The following CTNNA2 variants were observed in gnomAD, a reference collection of about 807,000 sequenced individuals.
CTNNA2 encodes the protein catenin alpha 2, also known as catenin alpha-2.
In CTNNA2, 42 loss-of-function variants were observed where a neutral mutation model predicts 101.0. The ratio of observed to expected loss-of-function variants is 0.42; its 90% CI spans 0.32 to 0.54. The LOEUF is 0.54. Among genes scored for constraint, CTNNA2 ranks in the 20% least tolerant of loss-of-function variants. The probability of loss-of-function intolerance (pLI) is 0.14; values close to 1 mark genes in which losing one functional copy is unlikely to be tolerated. For missense variants in CTNNA2, 871 were observed against 1,223.1 expected (o/e 0.71, Z 4.29); for synonymous variants, 450 against 456.4 (o/e 0.99, Z 0.18).
chr2:80,232,962 AT>A (rs1250546443), intron 7 of CTNNA2, among the ~76,000 whole-genome samples: 2 of 152,032 alleles, frequency 1.3e-5, no homozygotes, highest in African/African-American at 4.8e-5. Flanking sequence ...TATTTTTTCC[AT>A]TTCACTTGCT....
chr2:80,637,857 G>A (rs995502445), intron 18 of CTNNA2, among the ~76,000 whole-genome samples: 6 of 152,148 alleles, frequency 3.9e-5, no homozygotes, highest in Admixed American at 3.9e-4. Context: ...GACTCTTCTA[G>A]TCTACTTTTC....
At chr2:79,949,878 A>G (rs1200400382) in intron 7 of CTNNA2, among the ~76,000 whole-genome samples, 1 of 152,200 alleles carries the variant, frequency 6.6e-6, no homozygotes, top group Non-Finnish European at 1.5e-5. Flanking sequence ...TATTTTAGTT[A>G]TTTGAATACC....
intron 1 of CTNNA2, among the ~76,000 whole-genome samples, chr2:79,186,980 C>A (rs1025735951): frequency 3.3e-5 from 5 of 152,112 alleles, no homozygotes; most frequent in African/African-American, 9.7e-5. Context: ...TACAATGCAA[C>A]CTTCTATTTT....
In CTNNA2 at chr2:79,842,387, T is replaced by C. The variant is rs535336555; in HGVS notation, c.299-15626T>C. Among the ~76,000 whole-genome samples, 5 of 152,256 alleles carry C rather than the reference T, an allele frequency of 3.3e-5. No individual in the cohort carries two copies. The East Asian group carries it at 9.7e-4, about 29-fold the overall frequency. ...ACCCCATGGAGTTTTAAATGAGTAT[T>C]AAATGAGTAGATATAAGGCTTAGAA... On this transcript the variant is annotated intron_variant, in intron 3 of 18. Coordinates refer to ENST00000402739, the MANE Select transcript of CTNNA2 (RefSeq NM_001282597.3).
chr2:80,526,011 T>C (rs1020573891), intron 9 of CTNNA2, among the ~76,000 whole-genome samples: 1 of 152,202 alleles, frequency 6.6e-6, no homozygotes, highest in Non-Finnish European at 1.5e-5. Context: ...AATACTCTCT[T>C]AGCTTCTGGT....
chr2:79,294,164 T>C (rs1402772534), intron 2 of CTNNA2, among the ~76,000 whole-genome samples: 1 of 148,916 alleles, frequency 6.7e-6, no homozygotes, highest in Non-Finnish European at 1.5e-5. Context: ...TGTCCTCGCA[T>C]GGCAGACAGA....
At chr2:80,176,154 A>G (rs1382745653) in intron 7 of CTNNA2, among the ~76,000 whole-genome samples, 1 of 152,200 alleles carries the variant, frequency 6.6e-6, no homozygotes, top group Non-Finnish European at 1.5e-5. Flanking sequence ...TTGTCACCTT[A>G]AACCCATACA....
intron 18 of CTNNA2, among the ~76,000 whole-genome samples, chr2:80,632,066 G>A (rs1672356909): frequency 6.6e-6 from 1 of 152,102 alleles, no homozygotes; most frequent in South Asian, 2.1e-4. Flanking sequence ...AATAATTGAT[G>A]TTCAGGGGCA....
intron 1 of CTNNA2, among the ~76,000 whole-genome samples, chr2:79,516,360 G>A (rs867265441): frequency 6.6e-6 from 1 of 152,198 alleles, no homozygotes; most frequent in Non-Finnish European, 1.5e-5. Flanking sequence ...GAATTGGGAA[G>A]AAGACGGGTG....
chr2:79,235,877 A>T (rs146167934), intron 2 of CTNNA2, among the ~76,000 whole-genome samples: 121 of 152,262 alleles, frequency 7.9e-4, no homozygotes, highest in African/African-American at 2.6e-3. Context: ...AGTGACAGGG[A>T]TGGGTCGAGT....
intron 7 of CTNNA2, among the ~76,000 whole-genome samples, chr2:80,134,634 G>A (rs1702594483): frequency 6.6e-6 from 1 of 152,124 alleles, no homozygotes; most frequent in African/African-American, 2.4e-5. Context: ...CATTCATGAG[G>A]CCAGCTTTGT....
intron 2 of CTNNA2, among the ~76,000 whole-genome samples, chr2:79,245,727 C>A (rs1400289707): frequency 6.6e-6 from 1 of 152,200 alleles, no homozygotes; most frequent in African/African-American, 2.4e-5. Context: ...ATGGATTGGA[C>A]TTATATTCTA....
intron 17 of CTNNA2, 30 bp from the exon 18 acceptor site, chr2:80,619,055 T>G (rs1573473807): frequency 2.2e-6 from 3 of 1,378,346 alleles, no homozygotes. Flanking sequence ...TCTCTCTCAT[T>G]CTCTCTTTTC....
intron 3 of CTNNA2, among the ~76,000 whole-genome samples, chr2:79,782,852 A>G (rs1464293237): frequency 1.3e-5 from 2 of 152,180 alleles, no homozygotes; most frequent in African/African-American, 4.8e-5. Flanking sequence ...AGAAATTGAC[A>G]GCCAATGGAA....
intron 9 of CTNNA2, among the ~76,000 whole-genome samples, chr2:80,486,041 T>C (rs974357572): frequency 1.3e-5 from 2 of 152,192 alleles, no homozygotes; most frequent in Non-Finnish European, 2.9e-5. Flanking sequence ...TCAGACTCTG[T>C]AAAGATGCAT....
chr2:79,732,505 A>T (rs1314972056), intron 2 of CTNNA2, among the ~76,000 whole-genome samples: 1 of 152,080 alleles, frequency 6.6e-6, no homozygotes, highest in East Asian at 1.9e-4. Context: ...AAAAGTTTGT[A>T]TATGTCTCTG....
chr2:79,979,311 A>G (rs2104603151), intron 7 of CTNNA2, among the ~76,000 whole-genome samples: 1 of 152,224 alleles, frequency 6.6e-6, no homozygotes, highest in South Asian at 2.1e-4. Flanking sequence ...TGAGCCCAGG[A>G]GTTTGAGGTT....
intron 9 of CTNNA2, among the ~76,000 whole-genome samples, chr2:80,528,857 T>C (rs751033454): frequency 7.2e-5 from 11 of 152,166 alleles, no homozygotes; most frequent in Non-Finnish European, 1.5e-4. Flanking sequence ...ATTCTCAAAC[T>C]TTGTAGCTCT....
chr2:80,279,085 T>TGTGTGTGA (rs1016525099), intron 7 of CTNNA2, among the ~76,000 whole-genome samples: 9 of 144,498 alleles, frequency 6.2e-5, no homozygotes, highest in East Asian at 2.1e-4. Context: ...TGTGTGTGTG[T>TGTGTGTGA]GAAACAGAGA....
Sources: gnomAD v4.1 joint callset for allele counts (sites outside exome capture counted in the v4.1 genomes callset) on GRCh38, gnomAD v4.1.1 for gene constraint, MANE v1.5 for transcripts, NCBI Gene and HGNC (gene_info 2026-07-23, HGNC 2026-07-21) for gene names.